Variants in ABHD6 observed in about 807,000 individuals in gnomAD.
ABHD6 encodes abhydrolase domain containing 6, acylglycerol lipase.
Under a neutral mutation model 38.8 loss-of-function variants are expected in ABHD6, and 33 were observed. That is an observed-to-expected ratio of 0.85 (90% CI 0.64 to 1.14). ABHD6 has a LOEUF of 1.14. ABHD6 is among the 50% of genes most tolerant of loss of function. The pLI is 0.00. For missense variants in ABHD6, 380 were observed against 422.6 expected, an observed-to-expected ratio of 0.90 and a Z score of 0.88; for synonymous variants, 147 against 161.6, an observed-to-expected ratio of 0.91 and a Z score of 0.69.
intron 5 of ABHD6, 66 bp from the exon 6 acceptor site, chr3:58,270,866 G>C (rs2097444326): frequency 6.6e-7 from 1 of 1,514,056 alleles, no homozygotes; most frequent in African/African-American, 1.4e-5. Context: ...GGGCTTCTAT[G>C]CTGTAGTCAC....
At chr3:58,261,950 A>G (rs2097437285) in intron 3 of ABHD6, among the ~76,000 whole-genome samples, 1 of 152,248 alleles carries the variant, frequency 6.6e-6, no homozygotes, top group African/African-American at 2.4e-5. Context: ...AATGTCCAAC[A>G]GACAAATGGA....
rs143792111 is a variant in ABHD6, at chr3:58,256,695, A to G, written c.109A>G (p.Ile37Val). Residue 37 changes from isoleucine (I) to valine (V), a missense_variant, in exon 3 of 10, where the codon ATC becomes GTC. By Grantham distance (29) the Ile-to-Val change is conservative. Coordinates refer to ENST00000478253, the MANE Select transcript of ABHD6 (RefSeq NM_001320126.2). This position sits in a 1 kb window ranked among gnomAD's most constrained non-coding sequence, Gnocchi z 4.3. ...TCTGTGGCCTTCAGCACTGATAAGA[A>G]TCTATTATTGGTAAGCCAGTTTTAT... is the stretch of plus-strand genomic sequence containing the variant. ...FLLWPSALIR[I>V]YYWYWRRTLG... The G allele has an allele frequency of 1.2e-6, 2 of 1,611,578 alleles. No homozygotes were observed. The highest frequency in any genetic ancestry group is 1.3e-5 in the African/African-American group (1 of 74,970).
chr3:58,288,179 T>C (rs374718805), intron 9 of ABHD6, among the ~76,000 whole-genome samples: 15 of 152,230 alleles, frequency 9.9e-5, no homozygotes, highest in East Asian at 7.7e-4. Context: ...CACAGCCTTT[T>C]GCCTCCCAAG....
intron 2 of ABHD6, among the ~76,000 whole-genome samples, chr3:58,250,802 G>A (rs1449731593): frequency 6.6e-6 from 1 of 152,088 alleles, no homozygotes; most frequent in Non-Finnish European, 1.5e-5. Context: ...CACTTGAAGT[G>A]TGGCTGGTGT....
chr3:58,292,068 C>T (rs565157964), intron 9 of ABHD6, among the ~76,000 whole-genome samples: 1 of 152,232 alleles, frequency 6.6e-6, no homozygotes, highest in South Asian at 2.1e-4. Flanking sequence ...TATTCCTGCT[C>T]AGTGGGTTGC....
intron 6 of ABHD6, among the ~76,000 whole-genome samples, chr3:58,271,758 CT>C (rs1260932744): frequency 2.3e-5 from 3 of 130,170 alleles, no homozygotes; most frequent in African/African-American, 6.1e-5. Flanking sequence ...CTATCTCCCC[CT>C]CTCTCTGTTT....
rs1575517975 is a variant in ABHD6 at position 58,256,442 on chromosome 3, G to A, written c.-25-120G>A. 2 of 568,004 alleles carry A rather than the reference G, an allele frequency of 3.5e-6. No individual in the cohort carries two copies. Among genetic ancestry groups the A allele is most frequent in the Non-Finnish European group, 6.2e-6 (2 of 323,442 alleles). 35.2% of individuals were successfully genotyped at this position (568,004 alleles called of 1,614,324 possible). On this transcript the variant is annotated intron_variant, in intron 2 of 9. Coordinates refer to ENST00000478253, the MANE Select transcript of ABHD6 (RefSeq NM_001320126.2). The surrounding 1 kb of genome is among the most constrained non-coding windows in gnomAD (Gnocchi z 4.3). ...TTTTTGTAAAGCACTTGCCTGCTTT[G>A]GTTTCCTCCTGTTCTTTACCCTCAC... is the stretch of plus-strand genomic sequence containing the variant.
Position 58,256,787 on chromosome 3 carries a change from C to A in ABHD6, c.119+82C>A. ...TGCTTGTCCTTTTTGTGGTTATTGT[C>A]CAACATTTTATCAGGAAGTATTTCA... is the stretch of plus-strand genomic sequence containing the variant. On this transcript the variant is annotated intron_variant, in intron 3 of 9. Transcript: ENST00000478253. The surrounding 1 kb of genome is among the most constrained non-coding windows in gnomAD (Gnocchi z 4.3). 2 of 1,145,006 alleles carry A rather than the reference C, an allele frequency of 1.7e-6. No homozygotes were observed. The highest frequency in any genetic ancestry group is 2.6e-6 in the Non-Finnish European group (2 of 783,242). The allele number at this position is 1,145,006 out of a possible 1,614,324, so 70.9% of individuals were successfully genotyped here. A position where few individuals can be genotyped will look rare whatever the true frequency, so the allele number is the denominator to read the frequency against.
chr3:58,252,500 C>T (rs2097430710), intron 2 of ABHD6, among the ~76,000 whole-genome samples: 1 of 152,058 alleles, frequency 6.6e-6, no homozygotes, highest in South Asian at 2.1e-4. Flanking sequence ...AGGCATGAGC[C>T]ACCACGCCCA....
chr3:58,264,006 T>G (rs1415761485), intron 3 of ABHD6, among the ~76,000 whole-genome samples: 3 of 152,138 alleles, frequency 2.0e-5, no homozygotes, highest in Non-Finnish European at 4.4e-5. Context: ...TCAATAGTAT[T>G]TAAAAAAATT....
chr3:58,262,337 C>G (rs1197041762), intron 3 of ABHD6, among the ~76,000 whole-genome samples: 1 of 152,104 alleles, frequency 6.6e-6, no homozygotes, highest in African/African-American at 2.4e-5. Flanking sequence ...TGTTTTACCA[C>G]AGTATAAAAA....
rs1261741081 is a variant in ABHD6, at chr3:58,286,840, G to GTATATA, written c.837+1388_837+1389insATATAT. Among the ~76,000 whole-genome samples, 274 of 36,382 alleles carry GTATATA rather than the reference G, an allele frequency of 7.5e-3. 6 individuals carry two copies. The highest frequency in any genetic ancestry group is 0.031 in the African/African-American group (263 of 8,404). 23.9% of individuals were successfully genotyped at this position (36,382 alleles called of 152,430 possible). The stretch of plus-strand genomic sequence containing the variant: ...ATCATATATGTGTGTGTGTGTGTGT[G>GTATATA]TGTGTGTGTGTGTATATATATATAT... On this transcript the variant is annotated intron_variant, in intron 9 of 9. Transcript: ENST00000478253.
chr3:58,284,575 C>G (rs1418915877), intron 7 of ABHD6, among the ~76,000 whole-genome samples: 1 of 151,930 alleles, frequency 6.6e-6, no homozygotes, highest in African/African-American at 2.4e-5. Context: ...CTCAGCCTCC[C>G]GAGTAGATGG....
rs1020903444 is a variant in ABHD6, at chr3:58,238,920, A to AT, written c.-91+1005dup. Among the ~76,000 whole-genome samples, 1 of 152,154 alleles carries AT rather than the reference A, an allele frequency of 6.6e-6. No homozygotes were observed. Among genetic ancestry groups the AT allele is most frequent in the African/African-American group, 2.4e-5 (1 of 41,446 alleles). ...TAGTTTATAATGAATAATAGCTGAC[A>AT]TAGAATAAGCAAATCTTGTGTGCCA... On this transcript the variant is annotated intron_variant, in intron 1 of 9. Coordinates refer to ENST00000478253, the MANE Select transcript of ABHD6 (RefSeq NM_001320126.2). This position sits in a 1 kb window ranked among gnomAD's most constrained non-coding sequence, Gnocchi z 6.9.
At chr3:58,270,323 G>A (rs1286592591) in intron 5 of ABHD6, among the ~76,000 whole-genome samples, 1 of 152,074 alleles carries the variant, frequency 6.6e-6, no homozygotes, top group Non-Finnish European at 1.5e-5. Context: ...AAATTTTACT[G>A]GAAAACAGCC....
At position 58,293,817 on chromosome 3, in the gene ABHD6, A is replaced by C; in HGVS notation, c.*52A>C. 1 of 1,577,876 alleles carries C rather than the reference A, an allele frequency of 6.3e-7. No homozygotes were observed. The highest frequency in any genetic ancestry group is 8.6e-7 in the Non-Finnish European group (1 of 1,158,492). ...ACACAGCATCTGCTCCCATCCCCCA[A>C]GTCTGACGCAGCCACCACTCTCAGG... On this transcript the variant is annotated 3_prime_UTR_variant, in exon 10 of 10. Transcript: ENST00000478253. The surrounding 1 kb of genome is among the most constrained non-coding windows in gnomAD (Gnocchi z 4.4).
intron 2 of ABHD6, among the ~76,000 whole-genome samples, chr3:58,253,704 G>A (rs1675042557): frequency 6.6e-6 from 1 of 152,196 alleles, no homozygotes; most frequent in African/African-American, 2.4e-5. Flanking sequence ...ATACATGATT[G>A]TCCCTACCCT....
chr3:58,290,574 T>C (rs1575534603), intron 9 of ABHD6, among the ~76,000 whole-genome samples: 1 of 135,642 alleles, frequency 7.4e-6, no homozygotes, highest in African/African-American at 2.8e-5. Flanking sequence ...GGCTCCTCAC[T>C]TCCCAGACGG....
chr3:58,262,040 C>A (rs2097437335), intron 3 of ABHD6, among the ~76,000 whole-genome samples: 1 of 152,184 alleles, frequency 6.6e-6, no homozygotes, highest in African/African-American at 2.4e-5. Flanking sequence ...GCTATTAACA[C>A]AACATGGATG....
Sources: gnomAD v4.1 joint callset for allele counts (sites outside exome capture counted in the v4.1 genomes callset) on GRCh38, gnomAD v4.1.1 for gene constraint, Gnocchi (gnomAD v3.1) non-coding constraint, MANE v1.5 for transcripts, NCBI Gene and HGNC (gene_info 2026-07-23, HGNC 2026-07-21) for gene names.